Variants in AIDA observed in about 807,000 individuals in gnomAD.
The protein encoded by AIDA is axin interactor, dorsalization associated.
AIDA carries 18 observed loss-of-function variants against 42.7 expected under a neutral mutation model. The ratio of observed to expected loss-of-function variants is 0.42; its 90% CI spans 0.29 to 0.63. AIDA has a LOEUF of 0.63. Among genes scored for constraint, AIDA ranks in the 20% least tolerant of loss-of-function variants. The probability of loss-of-function intolerance (pLI) is 0.19; values close to 1 mark genes in which losing one functional copy is unlikely to be tolerated. For synonymous variants in AIDA, 104 were observed against 122.9 expected (o/e 0.85, Z 1.02); for missense variants, 250 against 354.1 (o/e 0.71, Z 2.36).
At chr1:222,707,182 A>T (rs781533343) in intron 1 of AIDA, among the ~76,000 whole-genome samples, 4 of 150,692 alleles carry the variant, frequency 2.7e-5, no homozygotes, top group Admixed American at 2.0e-4. Flanking sequence ...AGACAGGAGG[A>T]AAAAAAAACA....
At position 222,687,042 on chromosome 1, in the gene AIDA, C is replaced by CA. The variant is rs757668819; in HGVS notation, c.354-7dup. 5 of 1,611,484 alleles carry CA rather than the reference C, an allele frequency of 3.1e-6. No individual in the cohort carries two copies. Among genetic ancestry groups the CA allele is most frequent in the South Asian group, 2.2e-5 (2 of 90,622 alleles). ...CACCAGGTGCCAAAATTCTTCTACA[C>CA]AAAAAAAGGGCAGAAAAAACAACAA... On this transcript the variant is annotated splice_region_variant and splice_polypyrimidine_tract_variant and intron_variant, in intron 5 of 9. Coordinates refer to ENST00000340020, the MANE Select transcript of AIDA (RefSeq NM_022831.4).
Position 222,700,977 on chromosome 1 carries a change from G to A in AIDA, c.180+2171C>T, listed in dbSNP as rs978683792. Among the ~76,000 whole-genome samples, 3 of 146,210 alleles carry A rather than the reference G, an allele frequency of 2.1e-5. 1 individual carries two copies. The highest frequency in any genetic ancestry group is 7.7e-5 in the African/African-American group (3 of 39,040). On this transcript the variant is annotated intron_variant, in intron 2 of 9. Transcript: ENST00000340020. ...CTCATTTCTTGATTTTTTTTGGGGG[G>A]GGGGGGACAGGGTCTCACTGTGTCG...
Position 222,703,178 on chromosome 1 carries a change from G to A in AIDA, c.150C>T (p.His50=), listed in dbSNP as rs766868796. The A allele has an allele frequency of 5.6e-6, 9 of 1,609,778 alleles. No individual in the cohort carries two copies. In the East Asian group the frequency reaches 1.8e-4, roughly 32 times the overall value. Residue 50 remains histidine (H), a synonymous_variant, in exon 2 of 10, where the codon CAC becomes CAT. Transcript: ENST00000340020. ...RHLQKEAQAQ[H]NNSEFTEEQK... is the part of the protein sequence containing the mutation. Reference sequence around the variant, plus strand: ...GTTCTTCTGTGAATTCAGAATTATTGTGTTGAGCTTGGGCCTCCTTTTGTA... The same window carrying A: ...GTTCTTCTGTGAATTCAGAATTATTATGTTGAGCTTGGGCCTCCTTTTGTA...
At chr1:222,689,472 T>C (rs1315867078) in intron 4 of AIDA, among the ~76,000 whole-genome samples, 1 of 38,820 alleles carries the variant, frequency 2.6e-5, no homozygotes, top group Non-Finnish European at 3.9e-5. Flanking sequence ...AATATGTATG[T>C]GTGTGTGTGT....
rs1664368991 is a variant in AIDA, at chr1:222,668,049, T to C, written c.*1844A>G. On this transcript the variant is annotated 3_prime_UTR_variant, in exon 10 of 10. Coordinates refer to ENST00000340020, the MANE Select transcript of AIDA (RefSeq NM_022831.4). The stretch of plus-strand genomic sequence containing the variant: ...CTTCTTTAATGTTGATGAAAGGTAT[T>C]TGTAGTTCATATAAACTATACTTAT... 1 of 152,250 alleles carries C rather than the reference T, an allele frequency of 6.6e-6. No individual in the cohort carries two copies. The highest frequency in any genetic ancestry group is 6.5e-5 in the Admixed American group (1 of 15,284). 9.4% of individuals were successfully genotyped at this position (152,250 alleles called of 1,614,324 possible).
chr1:222,676,938 AC>A lies in AIDA; in HGVS notation c.461-721del, dbSNP rs74258762. On this transcript the variant is annotated intron_variant, in intron 6 of 9. Transcript: ENST00000340020. ...GCAAAAAAACCACAAAAAAAAACAA[AC>A]AAAAAAAAACCCATCCGTTGAAATT... Among the ~76,000 whole-genome samples, 659 of 149,516 alleles carry A rather than the reference AC, an allele frequency of 4.4e-3. 6 individuals carry two copies. The highest frequency in any genetic ancestry group is 6.0e-3 in the Non-Finnish European group (403 of 67,126).
Position 222,676,198 on chromosome 1 carries a change from G to A in AIDA, c.481C>T (p.Pro161Ser), listed in dbSNP as rs1437277428. The A allele has an allele frequency of 1.2e-6, 2 of 1,609,066 alleles. No homozygotes were observed. The highest frequency in any genetic ancestry group is 1.7e-6 in the Non-Finnish European group (2 of 1,178,382). ...AGTAATGTCATTCCTGGTTCCGATG[G>A]CAACCTTGGTAATAAAGTACCTGGC... ...RVPGTLLPRLPSEPGMTLLTI... is the reference protein window; with the variant it reads ...RVPGTLLPRLSSEPGMTLLTI... The change falls in exon 7 of 10, where the codon CCA becomes TCA. Residue 161 changes from proline to serine, a missense_variant. This residue lies in a region of AIDA where 199 missense variants were observed against 232.6 expected (regional missense o/e 0.86). Coordinates refer to ENST00000340020, the MANE Select transcript of AIDA (RefSeq NM_022831.4).
rs1553295512 is a variant in AIDA at position 222,700,970 on chromosome 1, T to TTTGG, written c.180+2177_180+2178insCCAA. 2.9e-5 allele frequency among the ~76,000 whole-genome samples: 2 copies of TTTGG among 68,172 alleles called. 1 individual carries two copies. The highest frequency in any genetic ancestry group is 1.5e-4 in the African/African-American group (2 of 13,438). The allele number at this position is 68,172 out of a possible 152,430, so 44.7% of individuals were successfully genotyped here. A position where few individuals can be genotyped will look rare whatever the true frequency, so the allele number is the denominator to read the frequency against. ...CGATAGACTCATTTCTTGATTTTTT[T>TTTGG]TGGGGGGGGGGGGACAGGGTCTCAC... On this transcript the variant is annotated intron_variant, in intron 2 of 9. Transcript: ENST00000340020.
At chr1:222,689,477 GTGTGTATATATATATATATATATA>G in intron 4 of AIDA, among the ~76,000 whole-genome samples, 1 of 27,970 alleles carries the variant, frequency 3.6e-5, no homozygotes, top group South Asian at 1.7e-3. Context: ...GTATGTGTGT[GTGTGTATATATATATATATATATA>G]TATATATATA....
intron 6 of AIDA, among the ~76,000 whole-genome samples, chr1:222,677,385 C>T (rs1260293944): frequency 6.6e-6 from 1 of 152,088 alleles, no homozygotes; most frequent in Admixed American, 6.6e-5. Flanking sequence ...GGTTTCCCCC[C>T]CTCTAATTTT....
intron 4 of AIDA, among the ~76,000 whole-genome samples, chr1:222,689,377 T>C (rs2124958447): frequency 1.3e-5 from 2 of 149,942 alleles, no homozygotes; most frequent in South Asian, 4.2e-4. Flanking sequence ...GAGATGGAGG[T>C]TGCAGCGAGC....
At chr1:222,704,854 AT>A (rs1194300878) in intron 1 of AIDA, among the ~76,000 whole-genome samples, 2 of 152,198 alleles carry the variant, frequency 1.3e-5, no homozygotes, top group Non-Finnish European at 2.9e-5. Flanking sequence ...TGGCATAAGA[AT>A]TTGAAAATTA....
intron 4 of AIDA, among the ~76,000 whole-genome samples, chr1:222,690,912 T>C (rs887987256): frequency 1.3e-5 from 2 of 152,182 alleles, no homozygotes; most frequent in Non-Finnish European, 2.9e-5. Context: ...CTGATTTAGA[T>C]GCTGAAGAGA....
chr1:222,685,196 T>C (rs1469259732), intron 6 of AIDA, among the ~76,000 whole-genome samples: 1 of 152,218 alleles, frequency 6.6e-6, no homozygotes, highest in Non-Finnish European at 1.5e-5. Context: ...GTAGAGAGGA[T>C]GACAAGCGTA....
At chr1:222,707,721 A>T (rs545059342) in intron 1 of AIDA, among the ~76,000 whole-genome samples, 3 of 152,230 alleles carry the variant, frequency 2.0e-5, no homozygotes, top group Non-Finnish European at 4.4e-5. Flanking sequence ...AGTTTTAAAC[A>T]TACCTTAAGC....
At chr1:222,670,341 G>T in intron 8 of AIDA, 91 bp from the exon 9 acceptor site, 1 of 962,786 alleles carries the variant, frequency 1.0e-6, no homozygotes, top group Non-Finnish European at 1.6e-6. Flanking sequence ...CATATGAACA[G>T]CTACAGCTGG....
intron 2 of AIDA, among the ~76,000 whole-genome samples, chr1:222,697,121 T>G (rs1655541981): frequency 6.6e-6 from 1 of 151,816 alleles, no homozygotes; most frequent in South Asian, 2.1e-4. Context: ...TTCTGTATTT[T>G]TATTAGAGAC....
At chr1:222,687,366 G>A (rs1655228130) in intron 5 of AIDA, among the ~76,000 whole-genome samples, 1 of 152,112 alleles carries the variant, frequency 6.6e-6, no homozygotes, top group African/African-American at 2.4e-5. Context: ...AGGAGGCGGA[G>A]GTTGCAGTGA....
intron 2 of AIDA, among the ~76,000 whole-genome samples, chr1:222,701,765 G>A (rs567289572): frequency 6.6e-5 from 10 of 151,998 alleles, no homozygotes; most frequent in Admixed American, 3.9e-4. Context: ...TGGCTGTCGC[G>A]CAGGCTGGAG....
Sources: gnomAD v4.1 joint callset for allele counts (sites outside exome capture counted in the v4.1 genomes callset) on GRCh38, gnomAD v4.1.1 for gene constraint, gnomAD v4.1.1 regional missense constraint, MANE v1.5 for transcripts, NCBI Gene and HGNC (gene_info 2026-07-23, HGNC 2026-07-21) for gene names.